MAML2: variants seen among roughly 807,000 people sequenced by gnomAD.
The protein encoded by MAML2 is mastermind like transcriptional coactivator 2.
In MAML2, 22 loss-of-function variants were observed where a neutral mutation model predicts 96.1. The observed-to-expected ratio is 0.23, with a 90% CI of 0.16 to 0.33. The LOEUF (loss-of-function observed/expected upper bound fraction) is 0.33, where lower values mean the gene tolerates loss of function less well. Among genes scored for constraint, MAML2 ranks in the 10% least tolerant of loss-of-function variants. The pLI is 1.00. For synonymous variants in MAML2, 561 were observed against 521.3 expected (o/e 1.08, Z -1.04); for missense variants, 1,367 against 1,392.4 (o/e 0.98, Z 0.29).
chr11:96,343,055 A>G lies in MAML2; in HGVS notation c.-1160T>C, dbSNP rs1046095032. ...TGTATTTGCTCCGCTTTATAGATGG[A>G]AAAAAAAAGTAGCTTGTATTTTCCT... is the stretch of plus-strand genomic sequence containing the variant. On this transcript the variant is annotated 5_prime_UTR_variant, in exon 1 of 5. Coordinates refer to ENST00000524717, the MANE Select transcript of MAML2 (RefSeq NM_032427.4). The G allele has an allele frequency of 2.1e-5, 8 of 388,630 alleles. No homozygotes were observed. The Admixed American group carries it at 3.1e-4, about 15-fold the overall frequency. 24.1% of individuals were successfully genotyped at this position (388,630 alleles called of 1,614,324 possible). A position where few individuals can be genotyped will look rare whatever the true frequency, so the allele number is the denominator to read the frequency against.
At chr11:96,143,855 T>C (rs1860772407) in intron 1 of MAML2, among the ~76,000 whole-genome samples, 1 of 152,214 alleles carries the variant, frequency 6.6e-6, no homozygotes, top group Non-Finnish European at 1.5e-5. Context: ...GCCGCGAACC[T>C]TGCTCTCTAA....
At chr11:96,220,686 G>T (rs1484583098) in intron 1 of MAML2, among the ~76,000 whole-genome samples, 1 of 152,034 alleles carries the variant, frequency 6.6e-6, no homozygotes, top group Non-Finnish European at 1.5e-5. Flanking sequence ...ATTTCTGGTT[G>T]TATTATAGGT....
At chr11:96,037,076 C>G (rs997478331) in intron 2 of MAML2, among the ~76,000 whole-genome samples, 1 of 152,178 alleles carries the variant, frequency 6.6e-6, no homozygotes, top group African/African-American at 2.4e-5. Flanking sequence ...TGGGCTCTTG[C>G]CAGTACTTGC....
chr11:96,129,016 C>T (rs1860498708), intron 1 of MAML2, among the ~76,000 whole-genome samples: 1 of 152,092 alleles, frequency 6.6e-6, no homozygotes, highest in Non-Finnish European at 1.5e-5. Context: ...GTGCATGTAT[C>T]TGGGGGATGG....
chr11:96,106,801 C>T (rs1318413127), intron 1 of MAML2, among the ~76,000 whole-genome samples: 1 of 151,732 alleles, frequency 6.6e-6, no homozygotes, highest in Non-Finnish European at 1.5e-5. Context: ...ATTGATGCCA[C>T]TGGGACTTAA....
intron 2 of MAML2, among the ~76,000 whole-genome samples, chr11:96,023,518 G>T (rs1287748260): frequency 1.3e-5 from 2 of 152,190 alleles, no homozygotes; most frequent in African/African-American, 2.4e-5. Context: ...GGACCACCCA[G>T]CTAGTGAGAC....
intron 1 of MAML2, among the ~76,000 whole-genome samples, chr11:96,168,869 C>T (rs780951127): frequency 6.6e-6 from 1 of 152,164 alleles, no homozygotes; most frequent in South Asian, 2.1e-4. Flanking sequence ...ATTTGAGAAA[C>T]GTTTCTGTGT....
rs1226832919 is a variant in MAML2 at position 95,995,450 on chromosome 11, T to C, written c.2140-3727A>G. On this transcript the variant is annotated intron_variant, in intron 2 of 4. Coordinates refer to ENST00000524717, the MANE Select transcript of MAML2 (RefSeq NM_032427.4). ...ATTATTTATGCATAGTGCAATCATG[T>C]ACATTTACTAAGTACCGTGCCTTAG... Among the ~76,000 whole-genome samples the C allele has an allele frequency of 2.0e-5, 3 of 152,220 alleles. 1 individual carries two copies. The highest frequency in any genetic ancestry group is 4.4e-5 in the Non-Finnish European group (3 of 68,040).
At chr11:95,996,933 C>T (rs1858000418) in intron 2 of MAML2, among the ~76,000 whole-genome samples, 1 of 152,148 alleles carries the variant, frequency 6.6e-6, no homozygotes, top group Admixed American at 6.5e-5. Flanking sequence ...AAAAATCGCA[C>T]ATTCTCAGCT....
intron 1 of MAML2, among the ~76,000 whole-genome samples, chr11:96,115,688 T>C (rs1306994262): frequency 2.0e-5 from 3 of 152,058 alleles, no homozygotes; most frequent in Non-Finnish European, 4.4e-5. Flanking sequence ...AATCAATGAA[T>C]ACATAAAATG....
At chr11:95,998,256 C>T (rs935198833) in intron 2 of MAML2, among the ~76,000 whole-genome samples, 3 of 152,000 alleles carry the variant, frequency 2.0e-5, no homozygotes, top group African/African-American at 4.8e-5. Flanking sequence ...CTCCAAAGTG[C>T]ACTTTCTTCT....
chr11:96,011,941 CTG>C (rs1449570418), intron 2 of MAML2, among the ~76,000 whole-genome samples: 2 of 152,134 alleles, frequency 1.3e-5, no homozygotes, highest in Non-Finnish European at 2.9e-5. Flanking sequence ...TCTTGAATAT[CTG>C]TGCTTGTTAA....
intron 1 of MAML2, among the ~76,000 whole-genome samples, chr11:96,259,407 A>G (rs944663709): frequency 1.3e-5 from 2 of 152,322 alleles, no homozygotes; most frequent in East Asian, 3.9e-4. Flanking sequence ...CTTCGCTCCA[A>G]TGCTTCCATC....
intron 1 of MAML2, among the ~76,000 whole-genome samples, chr11:96,171,738 A>T (rs893693359): frequency 3.3e-5 from 5 of 152,232 alleles, no homozygotes; most frequent in Non-Finnish European, 7.3e-5. Flanking sequence ...CAAATAATGA[A>T]TGGCAGATGC....
chr11:96,011,520 G>T (rs1345790848), intron 2 of MAML2, among the ~76,000 whole-genome samples: 2 of 152,064 alleles, frequency 1.3e-5, no homozygotes, highest in Non-Finnish European at 2.9e-5. Context: ...TAAACATTGA[G>T]TACACATGGA....
intron 1 of MAML2, among the ~76,000 whole-genome samples, chr11:96,152,613 C>T (rs1276441648): frequency 6.6e-6 from 1 of 152,186 alleles, no homozygotes; most frequent in Non-Finnish European, 1.5e-5. Flanking sequence ...TTGTTTCAGT[C>T]TCCTGACACA....
At chr11:96,047,456 C>T (rs1858920125) in intron 2 of MAML2, among the ~76,000 whole-genome samples, 1 of 152,076 alleles carries the variant, frequency 6.6e-6, no homozygotes, top group African/African-American at 2.4e-5. Context: ...TACAGGTATG[C>T]TTTGAGGATT....
chr11:96,258,570 C>T (rs1188708593), intron 1 of MAML2, among the ~76,000 whole-genome samples: 3 of 152,128 alleles, frequency 2.0e-5, no homozygotes, highest in African/African-American at 7.2e-5. Context: ...TCACATTCAC[C>T]CACTGGACAA....
intron 1 of MAML2, among the ~76,000 whole-genome samples, chr11:96,308,055 T>C (rs1565279662): frequency 6.6e-6 from 1 of 152,190 alleles, no homozygotes; most frequent in South Asian, 2.1e-4. Flanking sequence ...GATTCTGGCT[T>C]CTTTACAATT....
Sources: allele counts gnomAD v4.1 joint callset (sites outside exome capture counted in the v4.1 genomes callset), GRCh38; gene constraint gnomAD v4.1.1; transcripts MANE v1.5; gene names NCBI Gene and HGNC (gene_info 2026-07-23, HGNC 2026-07-21).